KRR1: variants seen among roughly 807,000 people sequenced by gnomAD.
The protein encoded by KRR1 is KRR1 small subunit processome component homolog.
A neutral mutation model predicts 50.0 loss-of-function variants in KRR1; 23 were observed. The observed-to-expected ratio is 0.46, with a 90% confidence interval of 0.33 to 0.65. The LOEUF (loss-of-function observed/expected upper bound fraction) is 0.65. KRR1 is among the 30% of genes least tolerant of loss of function. KRR1 has a pLI of 0.02. For missense variants in KRR1, 419 were observed against 442.4 expected (o/e 0.95, Z 0.47); for synonymous variants, 133 against 146.3 (o/e 0.91, Z 0.66).
Position 75,499,931 on chromosome 12 carries a change from C to T in KRR1, c.1024G>A (p.Asp342Asn). Residue 342 changes from aspartate (D) to asparagine (N), a missense_variant, in exon 10 of 10, where the codon GAT becomes AAT. Physicochemically the swap from Asp to Asn is conservative, Grantham distance 23. Transcript: ENST00000229214. ...PKEASTETKI[D>N]VASIKEKVKK... ...ACCTTTTCCTTGATGCTGGCCACAT[C>T]AATTTTAGTTTCAGTAGAAGCTAGA... 6.2e-7 allele frequency: 1 copy of T among 1,602,704 alleles called. No individual in the cohort carries two copies. The highest frequency in any genetic ancestry group is 1.1e-5 in the South Asian group (1 of 88,636).
At position 75,494,212 on chromosome 12, in the gene KRR1, C is replaced by T. The variant is rs1373690207; in HGVS notation, c.*5597G>A. The T allele has an allele frequency of 6.6e-6, 1 of 152,122 alleles. No individual in the cohort carries two copies. Among genetic ancestry groups the T allele is most frequent in the Non-Finnish European group, 1.5e-5 (1 of 68,022 alleles). 9.4% of individuals were successfully genotyped at this position (152,122 alleles called of 1,614,324 possible). A position where few individuals can be genotyped will look rare whatever the true frequency, so the allele number is the denominator to read the frequency against. ...AAGTTGTGTGTCTAAGGTGAGAGTT[C>T]TCAACTTTGGAGGTAATTGTAGAGT... is the stretch of plus-strand genomic sequence containing the variant. On this transcript the variant is annotated 3_prime_UTR_variant, in exon 10 of 10. Coordinates refer to ENST00000229214, the MANE Select transcript of KRR1 (RefSeq NM_007043.7).
intron 9 of KRR1, chr12:75,500,787 A>C (rs928085328): frequency 6.6e-6 from 1 of 152,088 alleles, no homozygotes; most frequent in African/African-American, 2.4e-5. Flanking sequence ...CAGCAACCTG[A>C]GAAGCACAGA....
intron 1 of KRR1, among the ~76,000 whole-genome samples, chr12:75,509,967 C>A (rs906624425): frequency 1.3e-5 from 2 of 151,822 alleles, no homozygotes; most frequent in Non-Finnish European, 2.9e-5. Context: ...TTAAAATCCC[C>A]ACTACAACCT....
chr12:75,501,858 T>C (rs1168944708), intron 8 of KRR1, 42 bp from the exon 9 acceptor site: 3 of 1,572,284 alleles, frequency 1.9e-6, no homozygotes, highest in South Asian at 1.1e-5. Flanking sequence ...AATGTATTTA[T>C]AGTTAAATAA....
At position 75,492,616 on chromosome 12, in the gene KRR1, A is replaced by G. The variant is rs2046329699; in HGVS notation, c.*7193T>C. ...TTTATTCATTAAAGTATAAATGTAA[A>G]TTTTCCTGGTTTAGACTCACTTATC... is the stretch of plus-strand genomic sequence containing the variant. On this transcript the variant is annotated 3_prime_UTR_variant, in exon 10 of 10. Coordinates refer to ENST00000229214, the MANE Select transcript of KRR1 (RefSeq NM_007043.7). 1 of 152,154 alleles carries G rather than the reference A, an allele frequency of 6.6e-6. No individual in the cohort carries two copies. The highest frequency in any genetic ancestry group is 2.4e-5 in the African/African-American group (1 of 41,416). 9.4% of individuals were successfully genotyped at this position (152,154 alleles called of 1,614,324 possible). A position where few individuals can be genotyped will look rare whatever the true frequency, so the allele number is the denominator to read the frequency against.
intron 6 of KRR1, chr12:75,504,290 G>C (rs765446044): frequency 3.1e-6 from 1 of 320,880 alleles, no homozygotes; most frequent in African/African-American, 2.1e-5. Context: ...ATGCAGAATT[G>C]TTAAAATGAG....
rs2704766 is a variant in KRR1, at chr12:75,506,922, G to C, written c.259-6C>G. The C allele has an allele frequency of 1.9e-6, 3 of 1,583,936 alleles. No individual in the cohort carries two copies. The Admixed American group carries it at 5.7e-5, about 30-fold the overall frequency. ...TCCAGGGTTGCATTAACATGCTACA[G>C]AAGGAAAGAGCAAACAAGCAGTTGT... On this transcript the variant is annotated splice_region_variant and splice_polypyrimidine_tract_variant and intron_variant, in intron 2 of 9. Coordinates refer to ENST00000229214, the MANE Select transcript of KRR1 (RefSeq NM_007043.7).
rs1281596370 is a variant in KRR1, at chr12:75,498,918, G to A, written c.*891C>T. 2.5e-6 allele frequency: 4 copies of A among 1,602,540 alleles called. No homozygotes were observed. The highest frequency in any genetic ancestry group is 3.4e-6 in the Non-Finnish European group (4 of 1,170,458). ...TTGTTAATTCAGTAATTCTAATACT[G>A]TCTGTTATAATTACCATTTTGGTAC... On this transcript the variant is annotated 3_prime_UTR_variant, in exon 10 of 10. Coordinates refer to ENST00000229214, the MANE Select transcript of KRR1 (RefSeq NM_007043.7).
chr12:75,492,756 C>T lies in KRR1; in HGVS notation c.*7053G>A, dbSNP rs2046330400. The T allele has an allele frequency of 6.6e-6, 1 of 152,076 alleles. No individual in the cohort carries two copies. Among genetic ancestry groups the T allele is most frequent in the East Asian group, 1.9e-4 (1 of 5,196 alleles). 9.4% of individuals were successfully genotyped at this position (152,076 alleles called of 1,614,324 possible). On this transcript the variant is annotated 3_prime_UTR_variant, in exon 10 of 10. Transcript: ENST00000229214. ...AACAAATATTTGTTTTACTGAGCTC[C>T]AAAGGAGAACAGGGCAGTCTCTGTC...
In KRR1 at chr12:75,491,414, A is replaced by T. The variant is rs1169286040; in HGVS notation, c.*8395T>A. 6.6e-6 allele frequency: 1 copy of T among 152,242 alleles called. No individual in the cohort carries two copies. The allele number at this position is 152,242 out of a possible 1,614,324, so 9.4% of individuals were successfully genotyped here. ...AGTCCATGCTCTTGATGGTACCACC[A>T]TCCTGTTGAAGAATTTAGATTGTTC... On this transcript the variant is annotated 3_prime_UTR_variant, in exon 10 of 10. Transcript: ENST00000229214.
At chr12:75,502,212 C>T in intron 7 of KRR1, 1 of 481,736 alleles carries the variant, frequency 2.1e-6, no homozygotes, top group Non-Finnish European at 3.7e-6. Context: ...GAATACAACC[C>T]AGAGTAGTTC....
At chr12:75,506,022 C>G (rs998036264) in intron 5 of KRR1, 11 of 223,644 alleles carry the variant, frequency 4.9e-5, no homozygotes, top group Non-Finnish European at 8.8e-5. Flanking sequence ...TTCATACATG[C>G]TACAGACTGA....
chr12:75,503,743 T>C, intron 7 of KRR1, 161 bp downstream of exon 7: 1 of 580,376 alleles, frequency 1.7e-6, no homozygotes, highest in South Asian at 3.6e-5. Context: ...CAGCTCAAAA[T>C]ATGCCTATTT....
intron 6 of KRR1, 22 bp downstream of exon 6, chr12:75,505,176 G>A (rs2046416337): frequency 6.6e-7 from 1 of 1,525,130 alleles, no homozygotes; most frequent in African/African-American, 1.4e-5. Flanking sequence ...CACTGGTACA[G>A]TTATATATAA....
Position 75,498,729 on chromosome 12 carries a change from A to G in KRR1, c.*1080T>C. 1.2e-6 allele frequency: 2 copies of G among 1,612,440 alleles called. No individual in the cohort carries two copies. Among genetic ancestry groups the G allele is most frequent in the South Asian group, 1.1e-5 (1 of 90,928 alleles). On this transcript the variant is annotated 3_prime_UTR_variant, in exon 10 of 10. Transcript: ENST00000229214. ...GCGAGACCAAGTCAAACGTACGTACATCAATCTTAAATTGTTTCATTAAGA... is the reference window on the plus strand; with the variant it reads ...GCGAGACCAAGTCAAACGTACGTACGTCAATCTTAAATTGTTTCATTAAGA...
chr12:75,499,696 AC>A lies in KRR1; in HGVS notation c.*112del. On this transcript the variant is annotated 3_prime_UTR_variant, in exon 10 of 10. Coordinates refer to ENST00000229214, the MANE Select transcript of KRR1 (RefSeq NM_007043.7). ...CACTCTTCTATGAACAACCACCACC[AC>A]CAAAAAAAAAAAAAGCCCTCAGAAA... The A allele has an allele frequency of 9.7e-6, 6 of 616,884 alleles. No homozygotes were observed. In the South Asian group the frequency reaches 1.4e-4, roughly 14 times the overall value. 38.2% of individuals were successfully genotyped at this position (616,884 alleles called of 1,614,324 possible).
At chr12:75,504,752 T>A (rs1697750) in intron 6 of KRR1, among the ~76,000 whole-genome samples, 94,175 of 151,858 alleles carry the variant, frequency 0.62, 29,384 homozygotes, top group South Asian at 0.67. Context: ...GATATAACAG[T>A]TCTCTCTCAA....
At chr12:75,510,899 T>A (rs1218589653) in intron 1 of KRR1, among the ~76,000 whole-genome samples, 1 of 152,214 alleles carries the variant, frequency 6.6e-6, no homozygotes, top group Non-Finnish European at 1.5e-5. Flanking sequence ...ATCCCCAGGC[T>A]ATTTATGACT....
At chr12:75,507,016 C>G in intron 2 of KRR1, 100 bp from the exon 3 acceptor site, 1 of 889,956 alleles carries the variant, frequency 1.1e-6, no homozygotes, top group Middle Eastern at 2.4e-4. Flanking sequence ...TGTCACCTCT[C>G]AATTCCTATC....
Sources: allele counts gnomAD v4.1 joint callset (sites outside exome capture counted in the v4.1 genomes callset), GRCh38; gene constraint gnomAD v4.1.1; transcripts MANE v1.5; gene names NCBI Gene and HGNC (gene_info 2026-07-23, HGNC 2026-07-21).